Variants in COL18A1 observed in about 807,000 individuals in gnomAD.
COL18A1 encodes the protein collagen type XVIII alpha 1 chain.
A neutral mutation model predicts 168.0 loss-of-function variants in COL18A1; 133 were observed. The ratio of observed to expected loss-of-function variants is 0.79; its 90% confidence interval spans 0.69 to 0.91. The LOEUF (loss-of-function observed/expected upper bound fraction) is 0.91, where lower values mean the gene tolerates loss of function less well. Ranked by LOEUF, COL18A1 falls within the 40% of genes least tolerant of loss-of-function variation. The pLI, the probability that COL18A1 is intolerant of heterozygous loss-of-function variation, is 0.00. For synonymous variants in COL18A1, 949 were observed against 809.0 expected (o/e 1.17, Z -2.94); for missense variants, 2,126 against 1,925.4 (o/e 1.10, Z -1.95).
At chr21:45,500,615 GGT>G (rs752154803) in intron 32 of COL18A1, among the ~76,000 whole-genome samples, 49 of 5,522 alleles carry the variant, frequency 8.9e-3, no homozygotes, top group Non-Finnish European at 0.014. Flanking sequence ...GGTGTGGTTT[GGT>G]GTGTGTGTGT....
chr21:45,411,131 C>T (rs2033276763), intron 2 of COL18A1, among the ~76,000 whole-genome samples: 1 of 152,170 alleles, frequency 6.6e-6, no homozygotes, highest in Admixed American at 6.5e-5. Context: ...GGGTAGTGTC[C>T]CAGGAACTCC....
At chr21:45,466,121 G>C (rs2035200952) in intron 2 of COL18A1, among the ~76,000 whole-genome samples, 1 of 152,168 alleles carries the variant, frequency 6.6e-6, no homozygotes, top group Non-Finnish European at 1.5e-5. Flanking sequence ...GGGCGCTTTG[G>C]CTCAGAGGCT....
At chr21:45,507,490 T>C (rs2146102289) in intron 37 of COL18A1, 71 bp from the exon 38 acceptor site, 1 of 466,256 alleles carries the variant, frequency 2.1e-6, no homozygotes, top group Non-Finnish European at 2.8e-6. Context: ...GAGAGTCGGG[T>C]GCTGGGCAGG....
intron 31 of COL18A1, 84 bp downstream of exon 31, chr21:45,497,176 G>A (rs1245925184): frequency 1.1e-6 from 1 of 911,198 alleles, no homozygotes; most frequent in Admixed American, 1.7e-5. Flanking sequence ...GCCAGCAGCA[G>A]TGAGACTCCC....
Position 45,475,878 on chromosome 21 carries a change from C to T in COL18A1, c.798+343C>T, listed in dbSNP as rs1555859699. ...GTGCGTGGCCATCAGGGAATGAACG[C>T]GTGTGTGAGCCTGACGACCAGGAGG... On this transcript the variant is annotated intron_variant, in intron 5 of 41. Transcript: ENST00000651438. Among the ~76,000 whole-genome samples, 4 of 150,942 alleles carry T rather than the reference C, an allele frequency of 2.7e-5. No homozygotes were observed. In the South Asian group the frequency reaches 6.2e-4, roughly 23 times the overall value.
At chr21:45,485,149 ATTTTTTTTTT>A (rs751718038) in intron 15 of COL18A1, among the ~76,000 whole-genome samples, 1 of 55,052 alleles carries the variant, frequency 1.8e-5, no homozygotes, top group Non-Finnish European at 3.3e-5. Flanking sequence ...CACCTGGCTA[ATTTTTTTTTT>A]TTTTTTTTTT....
chr21:45,480,656 G>A (rs754501243), intron 12 of COL18A1, 44 bp from the exon 13 acceptor site: 6 of 1,611,164 alleles, frequency 3.7e-6, no homozygotes, highest in East Asian at 2.2e-5. Context: ...CATCCCTGGT[G>A]GGTGCCACAT....
At position 45,467,414 on chromosome 21, in the gene COL18A1, G is replaced by A. The variant is rs1411268165; in HGVS notation, c.107-828G>A. The A allele has an allele frequency of 2.5e-5, 25 of 985,302 alleles. 1 individual carries two copies. Among genetic ancestry groups the A allele is most frequent in the Non-Finnish European group, 2.7e-5 (22 of 829,922 alleles). The allele number at this position is 985,302 out of a possible 1,614,324, so 61.0% of individuals were successfully genotyped here. ...GGGGCTGGTGGGGAGACTGTGGCAC[G>A]TTGGCAGGTACGTCAGGCATGCAGC... On this transcript the variant is annotated intron_variant, in intron 2 of 41. Transcript: ENST00000651438.
At chr21:45,503,880 T>A in intron 32 of COL18A1, 131 bp from the exon 33 acceptor site, 2 of 822,824 alleles carry the variant, frequency 2.4e-6, no homozygotes, top group Non-Finnish European at 4.1e-6. Context: ...AGAACCTAAT[T>A]AAATACGCGA....
In COL18A1 at chr21:45,481,979, C is replaced by T. The variant is rs770190035; in HGVS notation, c.1628C>T (p.Pro543Leu). 230 of 1,613,368 alleles carry T rather than the reference C, an allele frequency of 1.4e-4. No individual in the cohort carries two copies. The highest frequency in any genetic ancestry group is 3.3e-4 in the Admixed American group (20 of 60,012). Residue 543 changes from proline (P) to leucine (L), a missense_variant, in exon 14 of 42, where the codon CCG becomes CTG. Pro to Leu is a moderately conservative substitution (Grantham distance 98). Coordinates refer to ENST00000651438, the MANE Select transcript of COL18A1 (RefSeq NM_001379500.1). ...FPGLPGPPGP[P>L]GREGPPGRTG... Reference sequence around the variant, plus strand: ...CTCCCCCAGGGACCCCCAGGCCCTCCGGGAAGAGAGGGGCCCCCAGGAAGG... The same window carrying T: ...CTCCCCCAGGGACCCCCAGGCCCTCTGGGAAGAGAGGGGCCCCCAGGAAGG...
intron 2 of COL18A1, among the ~76,000 whole-genome samples, chr21:45,446,194 C>T (rs182755558): frequency 9.2e-4 from 140 of 152,320 alleles, no homozygotes; most frequent in African/African-American, 3.2e-3. Context: ...GCTCTTTCCT[C>T]ACTGAACAGT....
Position 45,487,414 on chromosome 21 carries a change from C to T in COL18A1, c.1834-33C>T, listed in dbSNP as rs115480712. ...AGGGGTCCTTCCCTAAGAAGGGACA[C>T]AGGCCCCTACGTGTCTCGTGTGTCT... On this transcript the variant is annotated intron_variant, in intron 16 of 41. Coordinates refer to ENST00000651438, the MANE Select transcript of COL18A1 (RefSeq NM_001379500.1). The T allele has an allele frequency of 2.3e-3, 3,653 of 1,610,270 alleles. 73 individuals are homozygous for T. The African/African-American group carries it at 0.043, about 19-fold the overall frequency.
chr21:45,482,148 C>G, intron 14 of COL18A1, 123 bp downstream of exon 14: 2 of 770,380 alleles, frequency 2.6e-6, no homozygotes, highest in East Asian at 5.3e-5. Flanking sequence ...ATCACAGCCC[C>G]ACAGCCTGGG....
chr21:45,448,060 C>T (rs1436807118), intron 2 of COL18A1, among the ~76,000 whole-genome samples: 1 of 152,344 alleles, frequency 6.6e-6, no homozygotes, highest in East Asian at 1.9e-4. Context: ...CCACCCTCTG[C>T]TGAGTCACCT....
intron 2 of COL18A1, among the ~76,000 whole-genome samples, chr21:45,418,292 G>A (rs925519007): frequency 6.6e-6 from 1 of 152,206 alleles, no homozygotes. Context: ...TGGTAGGGTG[G>A]GCGTGCCCTT....
intron 41 of COL18A1, 136 bp from the exon 42 acceptor site, chr21:45,512,052 C>T: frequency 1.1e-6 from 1 of 922,618 alleles, no homozygotes; most frequent in Non-Finnish European, 1.7e-6. Flanking sequence ...TGTGGCCCTC[C>T]AGGTTGTGGG....
chr21:45,494,780 C>A (rs1416724683), intron 27 of COL18A1, 82 bp from the exon 28 acceptor site: 2 of 1,342,762 alleles, frequency 1.5e-6, no homozygotes, highest in African/African-American at 2.9e-5. Context: ...TCTGCATGGC[C>A]CCTCCCCTTC....
In COL18A1 at chr21:45,497,614, C is replaced by T. The variant is rs769116877; in HGVS notation, c.2636C>T (p.Pro879Leu). ...PPGLPGNQGP[P>L]GPKGAKGEVG... ...CTTCCTCCAGGGAATCAGGGCCCTC[C>T]AGGACCCAAGGGCGCCAAAGGAGAA... Residue 879 changes from proline to leucine, a missense_variant, in exon 32 of 42, where the codon CCA becomes CTA. Transcript: ENST00000651438. 22 of 1,565,896 alleles carry T rather than the reference C, an allele frequency of 1.4e-5. No individual in the cohort carries two copies. In the Admixed American group the frequency reaches 2.4e-4, roughly 17 times the overall value.
At chr21:45,452,932 T>A (rs1243098290) in intron 2 of COL18A1, among the ~76,000 whole-genome samples, 1 of 152,074 alleles carries the variant, frequency 6.6e-6, no homozygotes, top group African/African-American at 2.4e-5. Context: ...TATTCACATG[T>A]GACATGTGAG....
Sources: allele counts gnomAD v4.1 joint callset (sites outside exome capture counted in the v4.1 genomes callset), GRCh38; gene constraint gnomAD v4.1.1; transcripts MANE v1.5; gene names NCBI Gene and HGNC (gene_info 2026-07-23, HGNC 2026-07-21).